Variants in KLRG1 observed in about 807,000 individuals in gnomAD.
The protein encoded by KLRG1 is killer cell lectin-like receptor subfamily G member 1.
Under a neutral mutation model 21.8 loss-of-function variants are expected in KLRG1, and 16 were observed. The ratio of observed to expected loss-of-function variants is 0.73; its 90% CI spans 0.50 to 1.11. The LOEUF is 1.11. Ranked by LOEUF, KLRG1 falls within the 50% of genes most tolerant of loss-of-function variation. The probability of loss-of-function intolerance (pLI) is 0.00; values close to 1 mark genes in which losing one functional copy is unlikely to be tolerated. For synonymous variants in KLRG1, 69 were observed against 75.9 expected, an observed-to-expected ratio of 0.91 and a Z score of 0.47; for missense variants, 173 against 218.3, an observed-to-expected ratio of 0.79 and a Z score of 1.31.
chr12:9,079,952 T>C, the KLRG1 span: 6 of 1,016,760 alleles, frequency 5.9e-6, no homozygotes, highest in Non-Finnish European at 6.9e-6. Flanking sequence ...AGAAGTATGA[T>C]TGAAAGCAAT....
chr12:9,211,676 A>G, the KLRG1 span, among the ~76,000 whole-genome samples: 5 of 152,152 alleles, frequency 3.3e-5, no homozygotes, highest in Non-Finnish European at 7.4e-5. Flanking sequence ...TTATCTGTGT[A>G]ACTTTGCATT....
At chr12:9,069,819 G>GA in the KLRG1 span, 1 of 1,613,064 alleles carries the variant, frequency 6.2e-7, no homozygotes, top group Non-Finnish European at 8.5e-7. Flanking sequence ...TCAAGCTGAA[G>GA]AAAATTGAAA....
At chr12:9,098,830 T>C in the KLRG1 span, 2 of 1,525,286 alleles carry the variant, frequency 1.3e-6, no homozygotes, top group Non-Finnish European at 1.8e-6. Flanking sequence ...ATTTGCAGAG[T>C]GTTCCTCATG....
At chr12:9,112,729 G>T in the KLRG1 span, 1 of 584,190 alleles carries the variant, frequency 1.7e-6, no homozygotes, top group Non-Finnish European at 3.0e-6. Context: ...ACAAGGTGGA[G>T]GAAAATAAAT....
the KLRG1 span, among the ~76,000 whole-genome samples, chr12:9,106,064 T>G: frequency 6.6e-6 from 1 of 152,220 alleles, no homozygotes; most frequent in Non-Finnish European, 1.5e-5. Context: ...ATAAATCTAT[T>G]TTTATGTAGT....
the KLRG1 span, among the ~76,000 whole-genome samples, chr12:9,078,646 C>T: frequency 6.6e-6 from 1 of 152,184 alleles, no homozygotes; most frequent in South Asian, 2.1e-4. Flanking sequence ...AACAAATTTA[C>T]ATTCAAGTAA....
At chr12:9,152,834 G>A in the KLRG1 span, 1 of 1,614,072 alleles carries the variant, frequency 6.2e-7, no homozygotes, top group Non-Finnish European at 8.5e-7. Context: ...CTGATGGTCA[G>A]TGAGATCTGA....
chr12:9,182,471 A>C, the KLRG1 span, among the ~76,000 whole-genome samples: 1 of 152,218 alleles, frequency 6.6e-6, no homozygotes, highest in Non-Finnish European at 1.5e-5. Flanking sequence ...GGTGATTCTC[A>C]ATTTAAATAT....
chr12:9,005,810 A>G (rs767532301), intron 3 of KLRG1, among the ~76,000 whole-genome samples: 5 of 152,238 alleles, frequency 3.3e-5, no homozygotes, highest in Middle Eastern at 3.4e-3. Context: ...GGAGCAGGCA[A>G]CCTAGATCCC....
At chr12:8,974,010 C>G (rs547303393) in intron 1 of KLRG1, among the ~76,000 whole-genome samples, 329 of 152,054 alleles carry the variant, frequency 2.2e-3, no homozygotes, top group Non-Finnish European at 4.0e-3. Context: ...TTACTTCTTT[C>G]TTTTTAATTT....
At chr12:9,046,718 G>A in the KLRG1 span, among the ~76,000 whole-genome samples, 11 of 152,268 alleles carry the variant, frequency 7.2e-5, no homozygotes, top group South Asian at 2.3e-3. Context: ...GAGAGAAATT[G>A]TTGCCTTCCA....
chr12:9,183,744 T>C, the KLRG1 span, among the ~76,000 whole-genome samples: 1 of 152,230 alleles, frequency 6.6e-6, no homozygotes, highest in East Asian at 1.9e-4. Flanking sequence ...GGCACTCAAT[T>C]AAAAATTGTT....
the KLRG1 span, among the ~76,000 whole-genome samples, chr12:9,094,635 G>T: frequency 6.6e-6 from 1 of 152,000 alleles, no homozygotes; most frequent in Non-Finnish European, 1.5e-5. Flanking sequence ...ATTGATGAAT[G>T]TGTGTGGTTC....
At chr12:9,153,841 C>A in the KLRG1 span, among the ~76,000 whole-genome samples, 1 of 152,114 alleles carries the variant, frequency 6.6e-6, no homozygotes, top group Admixed American at 6.5e-5. Flanking sequence ...TGAAAGAAGA[C>A]ATGTAGGAGG....
the KLRG1 span, among the ~76,000 whole-genome samples, chr12:9,016,925 T>C: frequency 2.6e-5 from 4 of 152,020 alleles, no homozygotes; most frequent in Non-Finnish European, 5.9e-5. Context: ...TCAAACTATT[T>C]TAAAAAATAG....
chr12:9,210,354 T>A, the KLRG1 span, among the ~76,000 whole-genome samples: 2 of 152,340 alleles, frequency 1.3e-5, no homozygotes, highest in African/African-American at 2.4e-5. Flanking sequence ...GTTTGATATC[T>A]CAACACAATA....
At chr12:9,198,513 A>G in the KLRG1 span, among the ~76,000 whole-genome samples, 1 of 152,188 alleles carries the variant, frequency 6.6e-6, no homozygotes, top group Non-Finnish European at 1.5e-5. Flanking sequence ...AAATGCACAG[A>G]CACACGCACA....
chr12:8,993,950 G>T (rs1285810962), intron 2 of KLRG1, among the ~76,000 whole-genome samples: 2 of 152,102 alleles, frequency 1.3e-5, no homozygotes, highest in Non-Finnish European at 2.9e-5. Flanking sequence ...GTAGAATTGT[G>T]CTTATGGCGA....
At chr12:8,964,786 T>A (rs375357036) in intron 1 of KLRG1, among the ~76,000 whole-genome samples, 1 of 150,932 alleles carries the variant, frequency 6.6e-6, no homozygotes, top group African/African-American at 2.4e-5. Context: ...TTTACCATTA[T>A]GTAATGGCCT....
Sources: gnomAD v4.1 joint callset for allele counts (sites outside exome capture counted in the v4.1 genomes callset) on GRCh38, gnomAD v4.1.1 for gene constraint, MANE v1.5 for transcripts, NCBI Gene and HGNC (gene_info 2026-07-23, HGNC 2026-07-21) for gene names.